Variants in CDH4 observed in about 807,000 individuals in gnomAD.
The protein encoded by CDH4 is cadherin-4.
CDH4 carries 33 observed loss-of-function variants against 86.0 expected under a neutral mutation model. That is an observed-to-expected ratio of 0.38 (90% confidence interval 0.29 to 0.51). CDH4 has a LOEUF of 0.51. CDH4 is among the 20% of genes least tolerant of loss of function. CDH4 has a pLI of 0.86. For synonymous variants in CDH4, 555 were observed against 549.4 expected (o/e 1.01, Z -0.14); for missense variants, 1,114 against 1,307.4 (o/e 0.85, Z 2.28).
chr20:61,302,235 G>T (rs1261520411), intron 2 of CDH4, among the ~76,000 whole-genome samples: 1 of 152,214 alleles, frequency 6.6e-6, no homozygotes. Flanking sequence ...GAGGGCCAGG[G>T]AGCTGCTTTG....
intron 2 of CDH4, among the ~76,000 whole-genome samples, chr20:61,381,480 T>G (rs1008667581): frequency 2.0e-5 from 3 of 152,056 alleles, no homozygotes; most frequent in African/African-American, 7.2e-5. Flanking sequence ...TTTTTTTCAG[T>G]TTTTGAAGAG....
chr20:61,285,321 C>G (rs1244913452), intron 2 of CDH4, among the ~76,000 whole-genome samples: 1 of 151,140 alleles, frequency 6.6e-6, no homozygotes, highest in Non-Finnish European at 1.5e-5. Context: ...TTGACACTGG[C>G]CATAGGAGTG....
intron 4 of CDH4, among the ~76,000 whole-genome samples, chr20:61,799,316 G>A (rs1340938949): frequency 6.6e-6 from 1 of 152,188 alleles, no homozygotes; most frequent in African/African-American, 2.4e-5. Flanking sequence ...ACCTCCAGGA[G>A]AAAAAGGTTA....
intron 8 of CDH4, among the ~76,000 whole-genome samples, chr20:61,903,540 T>TTAAAAAAA (rs386394189): frequency 4.2e-4 from 38 of 90,880 alleles, no homozygotes; most frequent in African/African-American, 1.8e-3. Context: ...AGAGACTCCA[T>TTAAAAAAA]AAAAAAAAAA....
At chr20:61,689,932 G>A (rs1162732245) in intron 2 of CDH4, among the ~76,000 whole-genome samples, 1 of 141,746 alleles carries the variant, frequency 7.1e-6, no homozygotes, top group Non-Finnish European at 1.5e-5. Flanking sequence ...TTGGTGAGGT[G>A]ATGTGGAATC....
chr20:61,352,641 G>A (rs866608718), intron 2 of CDH4, among the ~76,000 whole-genome samples: 32 of 152,182 alleles, frequency 2.1e-4, no homozygotes, highest in East Asian at 1.9e-4. Context: ...GGGGTAGGCC[G>A]TTTCGTGTTT....
chr20:61,255,681 T>A (rs964276003), intron 2 of CDH4, among the ~76,000 whole-genome samples: 1 of 152,238 alleles, frequency 6.6e-6, no homozygotes, highest in African/African-American at 2.4e-5. Flanking sequence ...GGACTTTTGA[T>A]AAAGTATCGA....
chr20:61,395,208 G>C (rs953751541), intron 2 of CDH4, among the ~76,000 whole-genome samples: 5 of 151,912 alleles, frequency 3.3e-5, no homozygotes, highest in African/African-American at 1.2e-4. Context: ...AACTCATCCA[G>C]AGAAAAATAT....
At chr20:61,342,816 C>T (rs2084656078) in intron 2 of CDH4, among the ~76,000 whole-genome samples, 1 of 152,166 alleles carries the variant, frequency 6.6e-6, no homozygotes, top group African/African-American at 2.4e-5. Context: ...CCGTGAGAGC[C>T]CAGGGGGCAG....
intron 2 of CDH4, among the ~76,000 whole-genome samples, chr20:61,298,308 G>A (rs575418076): frequency 2.0e-5 from 3 of 152,238 alleles, no homozygotes; most frequent in Non-Finnish European, 2.9e-5. Context: ...TGTAATTCTC[G>A]GGGATTAGAC....
chr20:61,339,547 G>C (rs1445131647), intron 2 of CDH4, among the ~76,000 whole-genome samples: 1 of 152,162 alleles, frequency 6.6e-6, no homozygotes, highest in Non-Finnish European at 1.5e-5. Flanking sequence ...TGATGGGCTT[G>C]ATGAAGAGAT....
At chr20:61,686,905 G>C (rs1012917496) in intron 2 of CDH4, among the ~76,000 whole-genome samples, 1 of 152,148 alleles carries the variant, frequency 6.6e-6, no homozygotes, top group South Asian at 2.1e-4. Flanking sequence ...AGATCCTCTC[G>C]AGTCAGGTTA....
chr20:61,867,580 T>C (rs1440105133), intron 6 of CDH4, among the ~76,000 whole-genome samples: 3 of 149,138 alleles, frequency 2.0e-5, no homozygotes, highest in African/African-American at 7.4e-5. Context: ...AGAGAGCTTA[T>C]GATAAAATTG....
intron 2 of CDH4, among the ~76,000 whole-genome samples, chr20:61,574,370 G>C (rs377177248): frequency 1.3e-5 from 2 of 152,256 alleles, no homozygotes; most frequent in Admixed American, 6.5e-5. Context: ...TGAAGTGGAC[G>C]TAGGCATCTC....
chr20:61,932,076 A>G (rs2055117625), intron 13 of CDH4, among the ~76,000 whole-genome samples: 1 of 152,016 alleles, frequency 6.6e-6, no homozygotes, highest in Non-Finnish European at 1.5e-5. Flanking sequence ...GCCTCTTTCA[A>G]TATGGGGGAG....
intron 2 of CDH4, among the ~76,000 whole-genome samples, chr20:61,561,232 A>G (rs1040796603): frequency 1.3e-5 from 2 of 152,068 alleles, no homozygotes; most frequent in Non-Finnish European, 2.9e-5. Flanking sequence ...TGTCCTCTGC[A>G]TCTGGTGACC....
At chr20:61,814,268 G>A (rs1003062026) in intron 4 of CDH4, among the ~76,000 whole-genome samples, 4 of 152,218 alleles carry the variant, frequency 2.6e-5, no homozygotes, top group African/African-American at 9.6e-5. Context: ...CCCTCCCAAA[G>A]CAAGGCACAA....
intron 2 of CDH4, among the ~76,000 whole-genome samples, chr20:61,580,717 G>A (rs1367681152): frequency 6.6e-6 from 1 of 152,122 alleles, no homozygotes; most frequent in Non-Finnish European, 1.5e-5. Flanking sequence ...TGGCGTCTTT[G>A]TTTCCAGACC....
chr20:61,750,805 T>G (rs1297009181), intron 3 of CDH4, among the ~76,000 whole-genome samples: 2 of 152,254 alleles, frequency 1.3e-5, no homozygotes, highest in African/African-American at 4.8e-5. Flanking sequence ...GGGTGCTGGA[T>G]GTAATAGTTG....
Sources: allele counts gnomAD v4.1 joint callset (sites outside exome capture counted in the v4.1 genomes callset), GRCh38; gene constraint gnomAD v4.1.1; transcripts MANE v1.5; gene names NCBI Gene and HGNC (gene_info 2026-07-23, HGNC 2026-07-21).